Variants in BUD13 observed in about 807,000 individuals in gnomAD.
BUD13 encodes BUD13 homolog.
Under a neutral mutation model 62.5 loss-of-function variants are expected in BUD13, and 47 were observed. The observed-to-expected ratio is 0.75, with a 90% CI of 0.60 to 0.96. The LOEUF is 0.96. Among genes scored for constraint, BUD13 ranks in the 40% least tolerant of loss-of-function variants. The probability of loss-of-function intolerance (pLI) is 0.00; values close to 1 mark genes in which losing one functional copy is unlikely to be tolerated. For synonymous variants in BUD13, 293 were observed against 280.1 expected, an observed-to-expected ratio of 1.05 and a Z score of -0.46; for missense variants, 821 against 790.9, an observed-to-expected ratio of 1.04 and a Z score of -0.46.
chr11:116,763,366 A>C, intron 3 of BUD13, 100 bp from the exon 4 acceptor site: 2 of 1,086,630 alleles, frequency 1.8e-6, no homozygotes, highest in Non-Finnish European at 2.6e-6. Flanking sequence ...CACATACCTC[A>C]GAACTGCTCA....
chr11:116,770,356 T>TTG, intron 1 of BUD13, 134 bp from the exon 2 acceptor site: 1 of 657,320 alleles, frequency 1.5e-6, no homozygotes, highest in Non-Finnish European at 2.4e-6. Context: ...CAAGGTCAAC[T>TTG]TCATCTCCTA....
At chr11:116,767,874 A>C (rs922989770) in intron 2 of BUD13, among the ~76,000 whole-genome samples, 4 of 151,450 alleles carry the variant, frequency 2.6e-5, no homozygotes, top group African/African-American at 9.7e-5. Flanking sequence ...GTGCAGGACT[A>C]AGGTAGGAGG....
intron 2 of BUD13, among the ~76,000 whole-genome samples, chr11:116,766,696 C>T (rs1021246867): frequency 1.4e-4 from 22 of 152,186 alleles, no homozygotes; most frequent in African/African-American, 4.8e-4. Flanking sequence ...ATAAATGACA[C>T]CTATTAATTA....
intron 6 of BUD13, among the ~76,000 whole-genome samples, chr11:116,758,670 C>G (rs1045732856): frequency 1.3e-5 from 2 of 150,412 alleles, no homozygotes; most frequent in Admixed American, 6.6e-5. Context: ...TCACTGCAAC[C>G]TCCACCTCCC....
At chr11:116,764,893 A>G (rs1052373647) in intron 3 of BUD13, among the ~76,000 whole-genome samples, 1 of 152,196 alleles carries the variant, frequency 6.6e-6, no homozygotes, top group Non-Finnish European at 1.5e-5. Flanking sequence ...TGCACTATAA[A>G]ACACCAATAC....
In BUD13 at chr11:116,763,035, G is replaced by A. The variant is rs909771114; in HGVS notation, c.554C>T (p.Ser185Leu). The A allele has an allele frequency of 1.9e-5, 31 of 1,613,438 alleles. No homozygotes were observed. The highest frequency in any genetic ancestry group is 2.5e-5 in the Non-Finnish European group (30 of 1,179,780). The change falls in exon 4 of 10, where the codon TCA becomes TTA. Residue 185 changes from serine to leucine, a missense_variant. Physicochemically the swap from Ser to Leu is moderately radical, Grantham distance 145. Around this residue, in one of 2 missense-constraint regions of BUD13, gnomAD observed 800 missense variants for 739.2 expected, o/e 1.08. Transcript: ENST00000260210. ...GGCCCTCCTTGGGGGTGAAGTGTCTGAGGAGTCATGACGGATCCTCCTGGG... is the reference window on the plus strand; with the variant it reads ...GGCCCTCCTTGGGGGTGAAGTGTCTAAGGAGTCATGACGGATCCTCCTGGG... ...SPPRRIRHDSSDTSPPRRARH... is the reference protein window; with the variant it reads ...SPPRRIRHDSLDTSPPRRARH...
chr11:116,771,976 C>T (rs551808429), intron 1 of BUD13, among the ~76,000 whole-genome samples: 1 of 152,206 alleles, frequency 6.6e-6, no homozygotes, highest in Non-Finnish European at 1.5e-5. Flanking sequence ...TTCTGGTAGC[C>T]CCAAGCATAC....
At chr11:116,758,812 G>A (rs1940378753) in intron 6 of BUD13, among the ~76,000 whole-genome samples, 1 of 151,548 alleles carries the variant, frequency 6.6e-6, no homozygotes, top group Non-Finnish European at 1.5e-5. Flanking sequence ...GGCTGGTCTT[G>A]AACTACAGAC....
intron 4 of BUD13, 72 bp from the exon 5 acceptor site, chr11:116,761,024 G>A: frequency 8.2e-7 from 1 of 1,225,576 alleles, no homozygotes; most frequent in Non-Finnish European, 1.2e-6. Context: ...ATCTCCTATG[G>A]CTGGGAGAAG....
chr11:116,771,769 G>C (rs996602187), intron 1 of BUD13, among the ~76,000 whole-genome samples: 1 of 152,218 alleles, frequency 6.6e-6, no homozygotes, highest in Non-Finnish European at 1.5e-5. Flanking sequence ...ACTTGGACTA[G>C]TTCTTTAGAA....
Position 116,772,892 on chromosome 11 carries a change from C to T in BUD13, c.73G>A (p.Asp25Asn). 6.3e-7 allele frequency: 1 copy of T among 1,589,496 alleles called. No individual in the cohort carries two copies. Among genetic ancestry groups the T allele is most frequent in the Non-Finnish European group, 8.6e-7 (1 of 1,168,888 alleles). Residue 25 changes from aspartate to asparagine, a missense_variant, in exon 1 of 10, where the codon GAC becomes AAC. Asp to Asn is a conservative substitution (Grantham distance 23, BLOSUM62 1). Around this residue, in one of 2 missense-constraint regions of BUD13, gnomAD observed 800 missense variants for 739.2 expected, o/e 1.08. Coordinates refer to ENST00000260210, the MANE Select transcript of BUD13 (RefSeq NM_032725.4). ...TTGCGACCGGACTCAGATCCCCGGTCGACGCCGGCATCTGCCCCGGACAAG... is the reference window on the plus strand; with the variant it reads ...TTGCGACCGGACTCAGATCCCCGGTTGACGCCGGCATCTGCCCCGGACAAG... The part of the protein sequence containing the change: ...RYLSGADAGV[D>N]RGSESGRKRR...
At chr11:116,761,312 A>C (rs1311552398) in intron 4 of BUD13, among the ~76,000 whole-genome samples, 2 of 152,114 alleles carry the variant, frequency 1.3e-5, no homozygotes, top group Non-Finnish European at 2.9e-5. Context: ...TCGGCCTCCA[A>C]AGTGCTGGGA....
In BUD13 at chr11:116,759,113, C is replaced by T; in HGVS notation, c.1321G>A (p.Glu441Lys). 6.2e-7 allele frequency: 1 copy of T among 1,613,958 alleles called. No homozygotes were observed. The highest frequency in any genetic ancestry group is 8.5e-7 in the Non-Finnish European group (1 of 1,179,988). The change falls in exon 6 of 10, where the codon GAG becomes AAG. Residue 441 changes from glutamate to lysine, a missense_variant. Physicochemically the swap from Glu to Lys is moderately conservative, Grantham distance 56. Coordinates refer to ENST00000260210, the MANE Select transcript of BUD13 (RefSeq NM_032725.4). ...VLTDIQREQQ[E>K]LKEQDQETMA... ...GTTTCTTGATCCTGTTCCTTGAGCT[C>T]CTGCTGTTCTCGCTGTATGTCAGTT...
At chr11:116,752,197 C>T (rs542100282) in intron 9 of BUD13, among the ~76,000 whole-genome samples, 157 of 152,246 alleles carry the variant, frequency 1.0e-3, no homozygotes, top group African/African-American at 3.7e-3. Flanking sequence ...CTGCCCGCCT[C>T]GGCCTCCCAA....
chr11:116,752,228 G>A (rs530302221), intron 9 of BUD13, among the ~76,000 whole-genome samples: 14 of 152,148 alleles, frequency 9.2e-5, no homozygotes, highest in African/African-American at 2.9e-4. Flanking sequence ...TTATAGGCAT[G>A]AGCCACCGCA....
In BUD13 at chr11:116,762,534, T is replaced by C. The variant is rs371385230; in HGVS notation, c.1036+19A>G. On this transcript the variant is annotated intron_variant, in intron 4 of 9. Transcript: ENST00000260210. ...CCCAGGGATACATACATCCCTCTCA[T>C]GGACAGTCATATGCTCACCTTTGGA... 42 of 1,559,988 alleles carry C rather than the reference T, an allele frequency of 2.7e-5. No individual in the cohort carries two copies. Among genetic ancestry groups the C allele is most frequent in the Non-Finnish European group, 3.7e-5 (42 of 1,147,348 alleles).
Position 116,772,948 on chromosome 11 carries a change from G to T in BUD13, c.17C>A (p.Pro6Gln). Residue 6 changes from proline (P) to glutamine (Q), a missense_variant, in exon 1 of 10, where the codon CCG becomes CAG. This residue lies in a region of BUD13 where 800 missense variants were observed against 739.2 expected (regional missense o/e 1.08). Transcript: ENST00000260210. Reference sequence around the variant, plus strand: ...CTTCAGATACTCGGCCTTGGAAAGCGGCGGAGCTGCCGCCATGGCAGCGGC... The same window carrying T: ...CTTCAGATACTCGGCCTTGGAAAGCTGCGGAGCTGCCGCCATGGCAGCGGC... MAAAP[P>Q]LSKAEYLKRY... is the part of the protein sequence containing the mutation. The T allele has an allele frequency of 1.3e-6, 2 of 1,568,520 alleles. No individual in the cohort carries two copies. The highest frequency in any genetic ancestry group is 2.3e-5 in the South Asian group (2 of 87,130).
chr11:116,758,554 T>C, intron 6 of BUD13, 147 bp from the exon 7 acceptor site: 3 of 760,660 alleles, frequency 3.9e-6, no homozygotes, highest in Non-Finnish European at 6.1e-6. Flanking sequence ...TGGTGCATAT[T>C]GGCACTGGGC....
intron 1 of BUD13, among the ~76,000 whole-genome samples, chr11:116,771,539 C>T (rs1467226503): frequency 1.3e-5 from 2 of 152,114 alleles, no homozygotes; most frequent in Non-Finnish European, 2.9e-5. Context: ...TATTATTATT[C>T]TCATTTTAAA....
Sources: gnomAD v4.1 joint callset for allele counts (sites outside exome capture counted in the v4.1 genomes callset) on GRCh38, gnomAD v4.1.1 for gene constraint, gnomAD v4.1.1 regional missense constraint, MANE v1.5 for transcripts, NCBI Gene and HGNC (gene_info 2026-07-23, HGNC 2026-07-21) for gene names.